The following NPHP3 variants were observed in gnomAD, a reference collection of about 807,000 sequenced individuals.
NPHP3 encodes the protein nephrocystin 3, also known as nephrocystin-3.
NPHP3 carries 123 observed loss-of-function variants against 171.9 expected under a neutral mutation model. The observed-to-expected ratio is 0.72, with a 90% CI of 0.62 to 0.83. NPHP3 has a LOEUF of 0.83. NPHP3 is among the 40% of genes least tolerant of loss of function. The probability of loss-of-function intolerance (pLI) is 0.00; values close to 1 mark genes in which losing one functional copy is unlikely to be tolerated. For missense variants in NPHP3, 1,506 were observed against 1,591.9 expected (o/e 0.95, Z 0.92); for synonymous variants, 558 against 579.2 (o/e 0.96, Z 0.52).
intron 26 of NPHP3, 183 bp downstream of exon 26, chr3:132,682,520 T>C (rs753620227): frequency 1.2e-4 from 73 of 608,688 alleles, no homozygotes; most frequent in Admixed American, 3.5e-4. Flanking sequence ...CTCTGCAAAA[T>C]AGATCATGCA....
intron 3 of NPHP3, among the ~76,000 whole-genome samples, chr3:132,717,752 C>CTTTTTTT (rs959757847): frequency 7.9e-4 from 64 of 81,264 alleles, no homozygotes; most frequent in East Asian, 1.4e-3. Flanking sequence ...CATTAAGAAT[C>CTTTTTTT]TTTTTTTTTT....
intron 23 of NPHP3, chr3:132,685,927 T>TGTA (rs545349521): frequency 1.1e-3 from 335 of 312,160 alleles, no homozygotes; most frequent in African/African-American, 6.8e-3. Context: ...GGCATGCGCC[T>TGTA]GTAGTCCCAG....
At chr3:132,721,620 T>C in intron 1 of NPHP3, 1 of 421,530 alleles carries the variant, frequency 2.4e-6, no homozygotes, top group Non-Finnish European at 4.5e-6. Flanking sequence ...TTCTTCTAGG[T>C]GCCTCAATGA....
intron 3 of NPHP3, among the ~76,000 whole-genome samples, chr3:132,718,448 A>G (rs1382517638): frequency 6.6e-6 from 1 of 152,240 alleles, no homozygotes; most frequent in Non-Finnish European, 1.5e-5. Context: ...TCTAAATGAT[A>G]GTTGCAAAGA....
chr3:132,686,712 A>G (rs2107965433), intron 22 of NPHP3, among the ~76,000 whole-genome samples: 1 of 152,340 alleles, frequency 6.6e-6, no homozygotes, highest in East Asian at 1.9e-4. Context: ...CATAAACATC[A>G]GGTCCATAAA....
intron 23 of NPHP3, 138 bp from the exon 24 acceptor site, chr3:132,684,932 CT>C (rs1939117137): frequency 9.7e-7 from 1 of 1,026,138 alleles, no homozygotes; most frequent in Admixed American, 2.1e-5. Flanking sequence ...CAAAATCTTA[CT>C]TTCCCCCTCT....
rs1553774955 is a variant in NPHP3 at position 132,715,113 on chromosome 3, G to T, written c.929C>A (p.Thr310Asn). 1 of 1,612,224 alleles carries T rather than the reference G, an allele frequency of 6.2e-7. No homozygotes were observed. The highest frequency in any genetic ancestry group is 8.5e-7 in the Non-Finnish European group (1 of 1,178,534). The change falls in exon 5 of 27, where the codon ACC becomes AAC. Residue 310 changes from threonine to asparagine, a missense_variant. By Grantham distance (65) the Thr-to-Asn change is moderately conservative. Transcript: ENST00000337331. ...VRCYLIYTDE[T>N]QPEMDLFLKD... ...AAGGAAAAGATCCATCTCAGGCTGG[G>T]TTTCATCTGTATAAATGAGGTAACA...
chr3:132,714,838 G>T (rs1005306990), intron 5 of NPHP3, among the ~76,000 whole-genome samples: 3 of 152,150 alleles, frequency 2.0e-5, no homozygotes, highest in African/African-American at 7.2e-5. Context: ...TTCTGTCTTA[G>T]CTCCTGTCCT....
chr3:132,722,117 G>A lies in NPHP3; in HGVS notation c.239C>T (p.Ser80Leu), dbSNP rs199652444. Residue 80 changes from serine (S) to leucine (L), a missense_variant, in exon 1 of 27, where the codon TCG becomes TTG. Physicochemically the swap from Ser to Leu is moderately radical, Grantham distance 145. Around this residue, in one of 3 missense-constraint regions of NPHP3, gnomAD observed 930 missense variants for 924.9 expected, o/e 1.01. Coordinates refer to ENST00000337331, the MANE Select transcript of NPHP3 (RefSeq NM_153240.5). ...LGASFKSTGS[S>L]VPELEYAAAE... ...CGCCGCGTACTCCAGCTCTGGCACC[G>A]ACGAGCCAGTGGACTTGAAGCTGGC... 27 of 1,604,904 alleles carry A rather than the reference G, an allele frequency of 1.7e-5. No homozygotes were observed. In the East Asian group the frequency reaches 6.0e-4, roughly 36 times the overall value.
chr3:132,686,043 C>T (rs965624079), intron 23 of NPHP3: 34 of 459,014 alleles, frequency 7.4e-5, no homozygotes, highest in African/African-American at 1.9e-4. Flanking sequence ...AGCGAGACTC[C>T]GTCTCAAAAA....
chr3:132,684,562 T>C lies in NPHP3; in HGVS notation c.3562A>G (p.Lys1188Glu), dbSNP rs1161074026. 6.2e-7 allele frequency: 1 copy of C among 1,613,992 alleles called. No individual in the cohort carries two copies. Among genetic ancestry groups the C allele is most frequent in the South Asian group, 1.1e-5 (1 of 91,078 alleles). Residue 1188 changes from lysine (K) to glutamate (E), a missense_variant, in exon 24 of 27, where the codon AAG (lysine) becomes GAG (glutamate). Lys to Glu is a moderately conservative substitution (Grantham distance 56). Around this residue, in one of 3 missense-constraint regions of NPHP3, gnomAD observed 569 missense variants for 648.1 expected, o/e 0.88. Coordinates refer to ENST00000337331, the MANE Select transcript of NPHP3 (RefSeq NM_153240.5). The stretch of plus-strand genomic sequence containing the variant: ...TGTCAAAGCTTACTTACCATTTTCT[T>C]ATACAAGATGGCAAGATGCTTCACC... ...YTVKHLAILYKKMGKLDKAVP... is the reference protein window; with the variant it reads ...YTVKHLAILYEKMGKLDKAVP...
chr3:132,695,135 G>T (rs1298442579), intron 15 of NPHP3, 170 bp from the exon 16 acceptor site: 2 of 615,630 alleles, frequency 3.2e-6, no homozygotes, highest in African/African-American at 3.7e-5. Context: ...TAGAGTCATT[G>T]GGTTTATTTT....
chr3:132,682,319 A>G, intron 26 of NPHP3: 1 of 578,504 alleles, frequency 1.7e-6, no homozygotes, highest in Non-Finnish European at 3.1e-6. Flanking sequence ...ATGTTGTAAT[A>G]GAGGCAGTGA....
chr3:132,689,091 G>A lies in NPHP3; in HGVS notation c.2866C>T (p.Leu956=), dbSNP rs199973254. The change falls in exon 20 of 27, where the codon CTA becomes TTA. Residue 956 remains leucine, a synonymous_variant. Coordinates refer to ENST00000337331, the MANE Select transcript of NPHP3 (RefSeq NM_153240.5). ...GAGCTTACCTGACTGAGAAGGCCTA[G>A]ATCCTTGAGAAATCGCCCCAAGGTT... The part of the protein sequence containing the change: ...YETLGRFLKD[L]GLLSQAIVPL... 6.2e-7 allele frequency: 1 copy of A among 1,614,128 alleles called. No individual in the cohort carries two copies. The highest frequency in any genetic ancestry group is 2.2e-5 in the East Asian group (1 of 44,876).
chr3:132,716,958 T>C (rs1444251029), intron 3 of NPHP3, 49 bp from the exon 4 acceptor site: 1 of 1,582,382 alleles, frequency 6.3e-7, no homozygotes, highest in Non-Finnish European at 8.7e-7. Context: ...TATTGAATGT[T>C]CAAAAACTCA....
chr3:132,686,419 A>G (rs772053646), intron 22 of NPHP3, 32 bp from the exon 23 acceptor site: 1 of 1,613,528 alleles, frequency 6.2e-7, no homozygotes, highest in Non-Finnish European at 8.5e-7. Flanking sequence ...AAAAGCAATC[A>G]CTAAGTAGGT....
In NPHP3 at chr3:132,719,131, G is replaced by T. The variant is rs530898728; in HGVS notation, c.533C>A (p.Thr178Asn). 4.3e-6 allele frequency: 7 copies of T among 1,610,908 alleles called. No homozygotes were observed. The South Asian group carries it at 7.7e-5, about 18-fold the overall frequency. Residue 178 changes from threonine to asparagine, a missense_variant, in exon 3 of 27, where the codon ACC becomes AAC. Physicochemically the swap from Thr to Asn is moderately conservative, Grantham distance 65 (BLOSUM62 0). Around this residue, in one of 3 missense-constraint regions of NPHP3, gnomAD observed 930 missense variants for 924.9 expected, o/e 1.01. Transcript: ENST00000337331. ...VKRQFKIFRE[T>N]KENEIQDLLR... ...TAAGTCCTGAATTTCATTTTCTTTG[G>T]TCTCCCTAAAAATCTTTAAAAAGAA... is the stretch of plus-strand genomic sequence containing the variant.
At position 132,684,709 on chromosome 3, in the gene NPHP3, T is replaced by G; in HGVS notation, c.3415A>C (p.Asn1139His). Residue 1139 changes from asparagine (N) to histidine (H), a missense_variant, in exon 24 of 27, where the codon AAT becomes CAT. Around this residue, in one of 3 missense-constraint regions of NPHP3, gnomAD observed 569 missense variants for 648.1 expected, o/e 0.88. Transcript: ENST00000337331. ...TCATTGCATAGAGCTGCCAGATTATTCAAAGACTGAGCACAGTCAGGGTGA... is the reference window on the plus strand; with the variant it reads ...TCATTGCATAGAGCTGCCAGATTATGCAAAGACTGAGCACAGTCAGGGTGA... ...PDHPDCAQSL[N>H]NLAALCNEKK... The G allele has an allele frequency of 6.2e-7, 1 of 1,614,132 alleles. No individual in the cohort carries two copies. The highest frequency in any genetic ancestry group is 1.1e-5 in the South Asian group (1 of 91,086).
Position 132,722,214 on chromosome 3 carries a change from C to G in NPHP3, c.142G>C (p.Gly48Arg). Residue 48 changes from glycine to arginine, a missense_variant, in exon 1 of 27, where the codon GGC (glycine) becomes CGC (arginine). Gly to Arg is a moderately radical substitution (Grantham distance 125, BLOSUM62 -2). Transcript: ENST00000337331. ...ARLLRNSFRR[G>R]AGAAAGAGPG... Reference sequence around the variant, plus strand: ...CCGGCCCCTGCTGCCGCCCCCGCGCCTCGGCGGAACGAGTTGCGCAGCAGG... The same window carrying G: ...CCGGCCCCTGCTGCCGCCCCCGCGCGTCGGCGGAACGAGTTGCGCAGCAGG... 1 of 1,532,168 alleles carries G rather than the reference C, an allele frequency of 6.5e-7. No individual in the cohort carries two copies. Among genetic ancestry groups the G allele is most frequent in the Non-Finnish European group, 8.7e-7 (1 of 1,150,116 alleles). 94.9% of individuals were successfully genotyped at this position (1,532,168 alleles called of 1,614,324 possible).
Sources: gnomAD v4.1 joint callset for allele counts (sites outside exome capture counted in the v4.1 genomes callset) on GRCh38, gnomAD v4.1.1 for gene constraint, gnomAD v4.1.1 regional missense constraint, MANE v1.5 for transcripts, NCBI Gene and HGNC (gene_info 2026-07-23, HGNC 2026-07-21) for gene names.